Variants in AUTS2 observed in about 807,000 individuals in gnomAD.
AUTS2 encodes the protein activator of transcription and developmental regulator AUTS2.
AUTS2 carries 17 observed loss-of-function variants against 112.4 expected under a neutral mutation model. That is an observed-to-expected ratio of 0.15 (90% CI 0.10 to 0.23). The LOEUF (loss-of-function observed/expected upper bound fraction) is 0.23, where lower values mean the gene tolerates loss of function less well. Ranked by LOEUF, AUTS2 falls within the 10% of genes least tolerant of loss-of-function variation. The pLI is 1.00. For missense variants in AUTS2, 1,510 were observed against 1,701.6 expected (o/e 0.89, Z 1.98); for synonymous variants, 751 against 702.7 (o/e 1.07, Z -1.09).
chr7:70,703,626 G>A (rs556437575), intron 6 of AUTS2, among the ~76,000 whole-genome samples: 146 of 152,028 alleles, frequency 9.6e-4, no homozygotes, highest in Non-Finnish European at 1.6e-3. Flanking sequence ...TGAACATATG[G>A]AGACCATTTT....
intron 6 of AUTS2, among the ~76,000 whole-genome samples, chr7:70,715,489 C>T (rs934549101): frequency 6.6e-6 from 1 of 151,410 alleles, no homozygotes; most frequent in East Asian, 2.0e-4. Flanking sequence ...GTGGCACTTC[C>T]TGCATCCTGC....
At chr7:69,779,367 A>G (rs1310087992) in intron 1 of AUTS2, among the ~76,000 whole-genome samples, 1 of 152,214 alleles carries the variant, frequency 6.6e-6, no homozygotes, top group Non-Finnish European at 1.5e-5. Flanking sequence ...AAGGATGGGA[A>G]GAGCTTGTTT....
chr7:69,981,695 A>T (rs1357061775), intron 2 of AUTS2, among the ~76,000 whole-genome samples: 2 of 152,178 alleles, frequency 1.3e-5, no homozygotes, highest in Non-Finnish European at 2.9e-5. Context: ...ACCACATTAG[A>T]TTTGTAAATA....
In AUTS2 at chr7:70,606,162, C is replaced by T. The variant is rs139068136; in HGVS notation, c.691-92407C>T. ...TCAACTTTCACACACGCTTTTTGGG[C>T]GCTGGATAAGATTATCAGAGGAGAT... On this transcript the variant is annotated intron_variant, in intron 5 of 18. Coordinates refer to ENST00000342771, the MANE Select transcript of AUTS2 (RefSeq NM_015570.4). 5.8e-4 allele frequency among the ~76,000 whole-genome samples: 88 copies of T among 152,230 alleles called. 2 individuals carry two copies. In the South Asian group the frequency reaches 0.017, roughly 29 times the overall value.
intron 1 of AUTS2, among the ~76,000 whole-genome samples, chr7:69,711,669 G>T (rs914442413): frequency 1.3e-5 from 2 of 152,018 alleles, no homozygotes; most frequent in African/African-American, 2.4e-5. Context: ...ATTTATTTCT[G>T]GCCTCGTAAA....
intron 5 of AUTS2, among the ~76,000 whole-genome samples, chr7:70,583,235 C>G (rs1258966360): frequency 6.6e-6 from 1 of 152,144 alleles, no homozygotes; most frequent in Non-Finnish European, 1.5e-5. Flanking sequence ...GGTAAGATAT[C>G]CCAGAGATTA....
At chr7:69,909,819 A>T (rs1331168921) in intron 2 of AUTS2, among the ~76,000 whole-genome samples, 1 of 152,190 alleles carries the variant, frequency 6.6e-6, no homozygotes, top group Non-Finnish European at 1.5e-5. Flanking sequence ...ATATATTGCT[A>T]TGAGGCCAAA....
intron 12 of AUTS2, chr7:70,775,091 C>T (rs1481187066): frequency 6.0e-6 from 3 of 496,764 alleles, no homozygotes; most frequent in Non-Finnish European, 1.1e-5. Context: ...GTGAGCAAAT[C>T]ATGTTGCCAG....
At chr7:70,693,297 G>A (rs187994398) in intron 5 of AUTS2, among the ~76,000 whole-genome samples, 1 of 152,200 alleles carries the variant, frequency 6.6e-6, no homozygotes. Context: ...ATACAGACAC[G>A]ATACATGTTA....
chr7:70,695,511 G>A (rs1809037160), intron 5 of AUTS2, among the ~76,000 whole-genome samples: 2 of 152,336 alleles, frequency 1.3e-5, no homozygotes, highest in Middle Eastern at 3.4e-3. Flanking sequence ...GAAAGAACTC[G>A]CGCTTAAGTT....
At chr7:70,012,604 A>G (rs539609241) in intron 2 of AUTS2, among the ~76,000 whole-genome samples, 51 of 149,020 alleles carry the variant, frequency 3.4e-4, no homozygotes, top group African/African-American at 1.2e-3. Flanking sequence ...TTCCTCTTCC[A>G]TTTCTCCCTT....
At chr7:69,674,771 C>T (rs1584049403) in intron 1 of AUTS2, among the ~76,000 whole-genome samples, 1 of 152,008 alleles carries the variant, frequency 6.6e-6, no homozygotes, top group East Asian at 1.9e-4. Context: ...CACAGTTCCT[C>T]TGGTGTGGCC....
chr7:70,365,236 A>G (rs1241339141), intron 4 of AUTS2, among the ~76,000 whole-genome samples: 1 of 152,246 alleles, frequency 6.6e-6, no homozygotes, highest in African/African-American at 2.4e-5. Context: ...GGTCAGTTCC[A>G]TCACCAACCC....
intron 4 of AUTS2, among the ~76,000 whole-genome samples, chr7:70,301,003 C>T (rs1343374392): frequency 6.6e-6 from 1 of 152,172 alleles, no homozygotes; most frequent in Non-Finnish European, 1.5e-5. Flanking sequence ...CTTCATTAAA[C>T]TTGCCCTCTA....
chr7:69,682,504 C>T (rs905720122), intron 1 of AUTS2, among the ~76,000 whole-genome samples: 6 of 152,200 alleles, frequency 3.9e-5, no homozygotes, highest in Non-Finnish European at 8.8e-5. Flanking sequence ...GGTATGAAAA[C>T]ACTGGATGTC....
chr7:70,109,337 A>G (rs900549962), intron 2 of AUTS2, among the ~76,000 whole-genome samples: 1 of 152,154 alleles, frequency 6.6e-6, no homozygotes, highest in Non-Finnish European at 1.5e-5. Flanking sequence ...TATTTTTTAC[A>G]TTGTGTATGT....
intron 2 of AUTS2, among the ~76,000 whole-genome samples, chr7:70,065,602 C>A (rs546694814): frequency 6.6e-6 from 1 of 152,170 alleles, no homozygotes; most frequent in South Asian, 2.1e-4. Context: ...GAGGCTGAGG[C>A]AGGAGAATTG....
intron 8 of AUTS2, among the ~76,000 whole-genome samples, chr7:70,765,400 G>T (rs1210944004): frequency 6.6e-6 from 1 of 152,158 alleles, no homozygotes; most frequent in Non-Finnish European, 1.5e-5. Context: ...GGTTTAAGGG[G>T]TTTCTTTTCA....
intron 4 of AUTS2, among the ~76,000 whole-genome samples, chr7:70,361,257 C>G (rs1032430777): frequency 6.6e-6 from 1 of 151,644 alleles, no homozygotes; most frequent in East Asian, 2.0e-4. Context: ...GGCGTGAACA[C>G]GGGAGGCGGA....
Sources: allele counts gnomAD v4.1 joint callset (sites outside exome capture counted in the v4.1 genomes callset), GRCh38; gene constraint gnomAD v4.1.1; transcripts MANE v1.5; gene names NCBI Gene and HGNC (gene_info 2026-07-23, HGNC 2026-07-21).